SLC22A16: variants seen among roughly 807,000 people sequenced by gnomAD.
SLC22A16 encodes the protein WUGSC:RG331P03.1.
SLC22A16 carries 53 observed loss-of-function variants against 52.9 expected under a neutral mutation model. The observed-to-expected ratio is 1.00, with a 90% CI of 0.80 to 1.26. The LOEUF is 1.26. Ranked by LOEUF, SLC22A16 falls within the 50% of genes most tolerant of loss-of-function variation. The probability of loss-of-function intolerance (pLI) is 0.00; values close to 1 mark genes in which losing one functional copy is unlikely to be tolerated. For synonymous variants in SLC22A16, 291 were observed against 268.8 expected (o/e 1.08, Z -0.81); for missense variants, 726 against 704.0 (o/e 1.03, Z -0.35).
Position 110,424,762 on chromosome 6 carries a change from TTTA to T in SLC22A16, c.*108_*110del. 1 of 1,250,098 alleles carries T rather than the reference TTTA, an allele frequency of 8.0e-7. No individual in the cohort carries two copies. Among genetic ancestry groups the T allele is most frequent in the East Asian group, 2.5e-5 (1 of 40,152 alleles). The allele number at this position is 1,250,098 out of a possible 1,614,324, so 77.4% of individuals were successfully genotyped here. ...TTTGCTTTAAAATTTTCTTACAAAA[TTTA>T]TTAAAAAGACATACAAACAACATAT... On this transcript the variant is annotated 3_prime_UTR_variant, in exon 8 of 8. Coordinates refer to ENST00000368919, the MANE Select transcript of SLC22A16 (RefSeq NM_033125.4).
intron 1 of SLC22A16, 132 bp from the exon 2 acceptor site, chr6:110,457,149 C>A: frequency 1.1e-6 from 1 of 873,946 alleles, no homozygotes; most frequent in Admixed American, 3.0e-5. Flanking sequence ...TAATTATAGA[C>A]ATATTTATAT....
intron 1 of SLC22A16, among the ~76,000 whole-genome samples, chr6:110,458,253 A>C (rs532762082): frequency 1.3e-5 from 2 of 151,804 alleles, no homozygotes; most frequent in African/African-American, 4.8e-5. Context: ...GATGGCTCAC[A>C]CTCTTTACCC....
At chr6:110,429,061 C>A (rs1188277744) in intron 7 of SLC22A16, among the ~76,000 whole-genome samples, 1 of 151,954 alleles carries the variant, frequency 6.6e-6, no homozygotes, top group Non-Finnish European at 1.5e-5. Context: ...CTGGTAATTA[C>A]CTTTTATAAA....
chr6:110,429,141 G>GA (rs1013792254), intron 7 of SLC22A16, among the ~76,000 whole-genome samples: 7 of 150,758 alleles, frequency 4.6e-5, no homozygotes, highest in African/African-American at 1.7e-4. Flanking sequence ...TATCTTTTTT[G>GA]AAAAAAAATA....
chr6:110,434,925 C>T (rs1435940206), intron 6 of SLC22A16, among the ~76,000 whole-genome samples: 1 of 152,102 alleles, frequency 6.6e-6, no homozygotes, highest in Non-Finnish European at 1.5e-5. Flanking sequence ...TTGCAGTGAA[C>T]CAAGATCACA....
chr6:110,447,182 G>A (rs894038037), intron 2 of SLC22A16, among the ~76,000 whole-genome samples, 192 bp from the exon 3 acceptor site: 22 of 152,196 alleles, frequency 1.4e-4, no homozygotes, highest in Non-Finnish European at 4.4e-5. Flanking sequence ...GTTCAGTGGA[G>A]AGGCCTTTAC....
At chr6:110,441,711 G>A (rs1453780435) in intron 4 of SLC22A16, among the ~76,000 whole-genome samples, 1 of 152,134 alleles carries the variant, frequency 6.6e-6, no homozygotes, top group Admixed American at 6.5e-5. Flanking sequence ...CATGACAATG[G>A]GCATGCTCAT....
intron 5 of SLC22A16, among the ~76,000 whole-genome samples, chr6:110,437,787 G>C (rs1469697321): frequency 7.7e-6 from 1 of 129,270 alleles, no homozygotes; most frequent in East Asian, 2.4e-4. Context: ...GATGCAAGAG[G>C]TATTTTGAGG....
intron 1 of SLC22A16, among the ~76,000 whole-genome samples, chr6:110,468,583 T>C (rs13193177): frequency 0.2 from 29,524 of 145,588 alleles, 3,640 homozygotes; most frequent in East Asian, 0.37. Context: ...GAGGCGGAGG[T>C]TTCAGTCAGC....
intron 6 of SLC22A16, among the ~76,000 whole-genome samples, chr6:110,433,487 T>C (rs184462519): frequency 6.6e-6 from 1 of 152,274 alleles, no homozygotes; most frequent in Admixed American, 6.5e-5. Flanking sequence ...CCTACATCCC[T>C]CCTGCTTGTG....
intron 2 of SLC22A16, among the ~76,000 whole-genome samples, chr6:110,451,474 A>C (rs918030303): frequency 1.1e-4 from 17 of 152,354 alleles, no homozygotes; most frequent in African/African-American, 3.8e-4. Flanking sequence ...TAGTATTACA[A>C]GACTTCTGAC....
rs531454726 is a variant in SLC22A16 at position 110,463,567 on chromosome 6, G to A, written c.54-6550C>T. 5.9e-5 allele frequency among the ~76,000 whole-genome samples: 8 copies of A among 135,690 alleles called. No individual in the cohort carries two copies. The East Asian group carries it at 1.3e-3, about 22-fold the overall frequency. The allele number at this position is 135,690 out of a possible 152,430, so 89.0% of individuals were successfully genotyped here. Reference sequence around the variant, plus strand: ...AGAATAGCATTATCCAATGATACACGGTCTAATTCAACAAAAAGATTTAAC... The same window carrying A: ...AGAATAGCATTATCCAATGATACACAGTCTAATTCAACAAAAAGATTTAAC... On this transcript the variant is annotated intron_variant, in intron 1 of 7. Coordinates refer to ENST00000368919, the MANE Select transcript of SLC22A16 (RefSeq NM_033125.4).
chr6:110,466,817 CT>C (rs554590339), intron 1 of SLC22A16, among the ~76,000 whole-genome samples: 6 of 152,150 alleles, frequency 3.9e-5, no homozygotes, highest in Admixed American at 3.9e-4. Flanking sequence ...AAAAAGACAC[CT>C]GCATTTGTCT....
intron 7 of SLC22A16, among the ~76,000 whole-genome samples, chr6:110,430,533 C>T (rs1467504475): frequency 6.6e-6 from 1 of 152,082 alleles, no homozygotes; most frequent in African/African-American, 2.4e-5. Context: ...ACCTGCCCTC[C>T]ACCCATCCCG....
rs149722400 is a variant in SLC22A16 at position 110,438,794 on chromosome 6, C to T, written c.1237G>A (p.Gly413Arg). 2.3e-5 allele frequency: 37 copies of T among 1,614,134 alleles called. No individual in the cohort carries two copies. The highest frequency in any genetic ancestry group is 3.3e-4 in the Middle Eastern group (2 of 6,062). The change falls in exon 5 of 8, where the codon GGG becomes AGG. Residue 413 changes from glycine (G) to arginine (R), a missense_variant. Gly to Arg is a moderately radical substitution (Grantham distance 125). Transcript: ENST00000368919. ...GAGTAGGCCAGGACTGTTCTCCTCC[C>T]GACCTTGTCCATGGCGATGCACACG... is the stretch of plus-strand genomic sequence containing the variant. ...TFVCIAMDKV[G>R]RRTVLAYSLF...
At chr6:110,444,024 G>T (rs1056463548) in intron 3 of SLC22A16, among the ~76,000 whole-genome samples, 4 of 152,170 alleles carry the variant, frequency 2.6e-5, no homozygotes, top group Admixed American at 2.0e-4. Context: ...ATGAAAACGA[G>T]TTCTGAAGAT....
intron 7 of SLC22A16, among the ~76,000 whole-genome samples, chr6:110,426,204 G>A (rs767251146): frequency 3.9e-5 from 6 of 152,094 alleles, no homozygotes; most frequent in South Asian, 2.1e-4. Flanking sequence ...TTTTAAAGAC[G>A]TTTTCTGGTC....
At chr6:110,427,247 C>CAAAAAAAAA (rs71018390) in intron 7 of SLC22A16, among the ~76,000 whole-genome samples, 3 of 60,510 alleles carry the variant, frequency 5.0e-5, no homozygotes, top group Non-Finnish European at 7.2e-5. Context: ...GACCCAATCT[C>CAAAAAAAAA]AAAAAAAAAA....
chr6:110,454,287 T>C (rs1775498336), intron 2 of SLC22A16, among the ~76,000 whole-genome samples: 1 of 151,982 alleles, frequency 6.6e-6, no homozygotes, highest in African/African-American at 2.4e-5. Context: ...TATAGAAGAC[T>C]ACAAGAGGTG....
Sources: gnomAD v4.1 joint callset for allele counts (sites outside exome capture counted in the v4.1 genomes callset) on GRCh38, gnomAD v4.1.1 for gene constraint, MANE v1.5 for transcripts, NCBI Gene and HGNC (gene_info 2026-07-23, HGNC 2026-07-21) for gene names.